The following RCC1 variants were observed in gnomAD, a reference collection of about 807,000 sequenced individuals.
RCC1 encodes regulator of chromosome condensation 1.
RCC1 carries 11 observed loss-of-function variants against 44.4 expected under a neutral mutation model. The ratio of observed to expected loss-of-function variants is 0.25; its 90% CI spans 0.16 to 0.41. The LOEUF is 0.41. Ranked by LOEUF, RCC1 falls within the 10% of genes least tolerant of loss-of-function variation. The pLI is 1.00. For synonymous variants in RCC1, 213 were observed against 216.5 expected, an observed-to-expected ratio of 0.98 and a Z score of 0.14; for missense variants, 386 against 547.1, an observed-to-expected ratio of 0.71 and a Z score of 2.94.
rs1168443435 is a variant in RCC1, at chr1:28,533,845, C to CTTTTTTTTTTTTTTTTTTTTTT, written c.442-1176_442-1155dup. Among the ~76,000 whole-genome samples, 16 of 46,870 alleles carry CTTTTTTTTTTTTTTTTTTTTTT rather than the reference C, an allele frequency of 3.4e-4. 6 individuals carry two copies. The highest frequency in any genetic ancestry group is 4.9e-4 in the African/African-American group (6 of 12,304). The allele number at this position is 46,870 out of a possible 152,430, so 30.7% of individuals were successfully genotyped here. On this transcript the variant is annotated intron_variant, in intron 7 of 12. Coordinates refer to ENST00000683442, the MANE Select transcript of RCC1 (RefSeq NM_001381865.2). ...ATATTTTTTTCTTTTCTTTTCTTTT[C>CTTTTTTTTTTTTTTTTTTTTTT]TTTTTTTTTTTTTTTTTTTTTTTTT...
At chr1:28,534,295 C>T (rs77145319) in intron 7 of RCC1, among the ~76,000 whole-genome samples, 1 of 152,114 alleles carries the variant, frequency 6.6e-6, no homozygotes, top group South Asian at 2.1e-4. Context: ...ATTCTCCTGC[C>T]TCTGTCTCCC....
chr1:28,528,142 A>G (rs1363523384), intron 4 of RCC1, among the ~76,000 whole-genome samples: 1 of 152,138 alleles, frequency 6.6e-6, no homozygotes, highest in Non-Finnish European at 1.5e-5. Flanking sequence ...CAACATGGTG[A>G]AACCCCGTCT....
intron 7 of RCC1, among the ~76,000 whole-genome samples, chr1:28,533,770 CAAAAAAAA>C (rs747565890): frequency 1.3e-4 from 4 of 31,972 alleles, no homozygotes; most frequent in Admixed American, 5.7e-4. Context: ...AACTCTGTCT[CAAAAAAAA>C]AAAAAAAAAA....
At chr1:28,532,105 G>A in intron 6 of RCC1, 66 bp from the exon 7 acceptor site, 1 of 1,580,950 alleles carries the variant, frequency 6.3e-7, no homozygotes. Flanking sequence ...GTCAAGTGGG[G>A]AGTGGCCTAC....
chr1:28,520,994 G>A (rs1033630666), intron 4 of RCC1, among the ~76,000 whole-genome samples: 1 of 151,964 alleles, frequency 6.6e-6, no homozygotes, highest in African/African-American at 2.4e-5. Context: ...CGGGAGAATC[G>A]CTTGAACCTG....
At chr1:28,528,933 G>A (rs1323038383) in intron 4 of RCC1, among the ~76,000 whole-genome samples, 1 of 146,126 alleles carries the variant, frequency 6.8e-6, no homozygotes, top group African/African-American at 2.6e-5. Flanking sequence ...CATGATCTTG[G>A]CTCACCGCAA....
At chr1:28,514,384 A>G (rs1312120765) in intron 3 of RCC1, among the ~76,000 whole-genome samples, 1 of 150,746 alleles carries the variant, frequency 6.6e-6, no homozygotes, top group Admixed American at 6.6e-5. Context: ...CAGGAGGTGG[A>G]GCTTGCAGTG....
rs372249409 is a variant in RCC1 at position 28,521,590 on chromosome 1, C to T, written c.-10+4723C>T. On this transcript the variant is annotated intron_variant, in intron 4 of 12. Transcript: ENST00000683442. ...AGCCCAGTGCAGGGCCTCAAGTCTT[C>T]CATTTTGGAGAGGAAGCCTCTGGGA... 6.6e-5 allele frequency among the ~76,000 whole-genome samples: 10 copies of T among 152,250 alleles called. 1 individual carries two copies. The East Asian group carries it at 9.6e-4, about 15-fold the overall frequency.
chr1:28,509,008 C>T lies in RCC1; in HGVS notation c.-153+103C>T, dbSNP rs769507124. ...CATGCCTCCTTTTGAGAGTCTTGCTCTGTCGCCCAGGCTGTAGTGCAGTGG... is the reference window on the plus strand; with the variant it reads ...CATGCCTCCTTTTGAGAGTCTTGCTTTGTCGCCCAGGCTGTAGTGCAGTGG... On this transcript the variant is annotated intron_variant, in intron 3 of 12. Transcript: ENST00000683442. 1.9e-5 allele frequency: 8 copies of T among 421,154 alleles called. No individual in the cohort carries two copies. In the Middle Eastern group the frequency reaches 1.1e-3, roughly 58 times the overall value. 26.1% of individuals were successfully genotyped at this position (421,154 alleles called of 1,614,324 possible).
intron 4 of RCC1, among the ~76,000 whole-genome samples, chr1:28,528,790 G>A (rs1570204617): frequency 9.9e-6 from 1 of 101,522 alleles, no homozygotes; most frequent in South Asian, 3.0e-4. Flanking sequence ...TATTTTTTGT[G>A]TATGCATTTT....
chr1:28,518,637 TGCGCGCGGCCGCCCGGGCGGGG>T (rs1050874610), intron 4 of RCC1: 75 of 149,904 alleles, frequency 5.0e-4, no homozygotes, highest in African/African-American at 1.7e-3. Flanking sequence ...GCGGGCCGGG[TGCGCGCGGCCGCCCGGGCGGGG>T]GATGGGTCTC....
chr1:28,510,202 T>A (rs558864477), intron 3 of RCC1: 1 of 152,312 alleles, frequency 6.6e-6, no homozygotes, highest in Non-Finnish European at 1.5e-5. Context: ...GATTGGAGTT[T>A]GGTGGACTGT....
chr1:28,532,558 C>G lies in RCC1; in HGVS notation c.441+208C>G, dbSNP rs976385981. 1.4e-5 allele frequency: 8 copies of G among 574,972 alleles called. No homozygotes were observed. In the African/African-American group the frequency reaches 1.5e-4, roughly 11 times the overall value. 35.6% of individuals were successfully genotyped at this position (574,972 alleles called of 1,614,324 possible). A position where few individuals can be genotyped will look rare whatever the true frequency, so the allele number is the denominator to read the frequency against. ...GCTGCTTCCTTGAATCCGATGTCAT[C>G]AAGTGTCTGTCCTGGGAAGTGAGTG... On this transcript the variant is annotated intron_variant, in intron 7 of 12. Coordinates refer to ENST00000683442, the MANE Select transcript of RCC1 (RefSeq NM_001381865.2).
chr1:28,535,814 A>T, intron 9 of RCC1, 57 bp from the exon 10 acceptor site: 1 of 1,567,028 alleles, frequency 6.4e-7, no homozygotes, highest in Non-Finnish European at 8.7e-7. Context: ...AACTCGGGGC[A>T]GAGAGAAGCC....
chr1:28,511,976 CTT>C lies in RCC1; in HGVS notation c.-153+3090_-153+3091del, dbSNP rs36018995. 2.3e-3 allele frequency among the ~76,000 whole-genome samples: 233 copies of C among 99,468 alleles called. 1 individual carries two copies. Among genetic ancestry groups the C allele is most frequent in the African/African-American group, 4.0e-3 (81 of 20,374 alleles). 65.3% of individuals were successfully genotyped at this position (99,468 alleles called of 152,430 possible). A position where few individuals can be genotyped will look rare whatever the true frequency, so the allele number is the denominator to read the frequency against. On this transcript the variant is annotated intron_variant, in intron 3 of 12. Coordinates refer to ENST00000683442, the MANE Select transcript of RCC1 (RefSeq NM_001381865.2). ...ACTGCGCCTAGCCTCAAGCCTGATC[CTT>C]TTTTTTTTTTTTTTTTTTGAGATGG...
chr1:28,507,572 T>A, intron 1 of RCC1: 1 of 514,506 alleles, frequency 1.9e-6, no homozygotes. Context: ...GGAAACAGCC[T>A]TCTAGAGCAC....
chr1:28,526,591 C>A, intron 4 of RCC1: 1 of 553,266 alleles, frequency 1.8e-6, no homozygotes, highest in Non-Finnish European at 3.4e-6. Context: ...GTAGGACACA[C>A]AAAGGTGAAA....
intron 7 of RCC1, among the ~76,000 whole-genome samples, chr1:28,534,297 CTG>C (rs1273309244): frequency 1.3e-5 from 2 of 152,200 alleles, no homozygotes; most frequent in African/African-American, 4.8e-5. Flanking sequence ...TCTCCTGCCT[CTG>C]TCTCCCGAGT....
At chr1:28,516,634 A>C (rs1345781285) in intron 3 of RCC1, 91 bp from the exon 4 acceptor site, 2 of 244,304 alleles carry the variant, frequency 8.2e-6, no homozygotes, top group Non-Finnish European at 1.7e-5. Context: ...GGAACAAATG[A>C]GCTGACATGG....
Sources: allele counts gnomAD v4.1 joint callset (sites outside exome capture counted in the v4.1 genomes callset), GRCh38; gene constraint gnomAD v4.1.1; transcripts MANE v1.5; gene names NCBI Gene and HGNC (gene_info 2026-07-23, HGNC 2026-07-21).